The following DHX9 variants were observed in gnomAD, a reference collection of about 807,000 sequenced individuals.
The protein encoded by DHX9 is ATP-dependent RNA helicase A.
In DHX9, 27 loss-of-function variants were observed where a neutral mutation model predicts 148.7. The observed-to-expected ratio is 0.18, with a 90% CI of 0.13 to 0.25. DHX9 has a LOEUF of 0.25. Among genes scored for constraint, DHX9 ranks in the 10% least tolerant of loss-of-function variants. DHX9 has a pLI of 1.00. For missense variants in DHX9, 796 were observed against 1,559.6 expected (o/e 0.51, Z 8.25); for synonymous variants, 529 against 516.6 (o/e 1.02, Z -0.33).
intron 24 of DHX9, 106 bp from the exon 25 acceptor site, chr1:182,883,033 A>G (rs897781361): frequency 4.0e-6 from 3 of 755,438 alleles, no homozygotes; most frequent in Non-Finnish European, 6.8e-6. Context: ...GTTATGTGAA[A>G]AGAGTGAGGA....
intron 12 of DHX9, among the ~76,000 whole-genome samples, chr1:182,864,172 C>G (rs1332448381): frequency 1.3e-5 from 2 of 152,186 alleles, no homozygotes; most frequent in Non-Finnish European, 2.9e-5. Flanking sequence ...ACTGCAACCT[C>G]AAACTCCTGG....
chr1:182,839,884 G>A (rs968571274), intron 1 of DHX9: 4 of 152,204 alleles, frequency 2.6e-5, no homozygotes, highest in South Asian at 2.1e-4. Flanking sequence ...GTGGGTAGAG[G>A]AAAAAAAATT....
At chr1:182,880,433 ATGTTT>A (rs1649035923) in intron 21 of DHX9, 59 bp from the exon 22 acceptor site, 9 of 1,081,866 alleles carry the variant, frequency 8.3e-6, no homozygotes, top group Non-Finnish European at 1.3e-5. Flanking sequence ...ATTTAGAGTA[ATGTTT>A]TGTCTGCCTA....
intron 24 of DHX9, 67 bp downstream of exon 24, chr1:182,881,714 C>A (rs1649093978): frequency 6.8e-7 from 1 of 1,481,468 alleles, no homozygotes; most frequent in Admixed American, 2.4e-5. Context: ...AAATTGACAG[C>A]AAAGTGTATT....
At position 182,883,106 on chromosome 1, in the gene DHX9, T is replaced by C. The variant is rs752914164; in HGVS notation, c.2915-33T>C. On this transcript the variant is annotated intron_variant, in intron 24 of 27. Coordinates refer to ENST00000367549, the MANE Select transcript of DHX9 (RefSeq NM_001357.5). ...GTAATGTGAAGATCAGCCAGTTATC[T>C]GATTTTTGTTTTCACTGTGCTCCTC... 9.6e-6 allele frequency: 14 copies of C among 1,452,612 alleles called. No homozygotes were observed. The South Asian group carries it at 1.1e-4, about 12-fold the overall frequency. 90.0% of individuals were successfully genotyped at this position (1,452,612 alleles called of 1,614,324 possible). A position where few individuals can be genotyped will look rare whatever the true frequency, so the allele number is the denominator to read the frequency against.
In DHX9 at chr1:182,876,865, T is replaced by C; in HGVS notation, c.2160T>C (p.Ile720=). 1 of 1,612,334 alleles carries C rather than the reference T, an allele frequency of 6.2e-7. No individual in the cohort carries two copies. The highest frequency in any genetic ancestry group is 8.5e-7 in the Non-Finnish European group (1 of 1,179,524). ...CCACAAATATTGCTGAAACAAGCATTACCATAAACGATGTTGTTTATGTCA... is the reference window on the plus strand; with the variant it reads ...CCACAAATATTGCTGAAACAAGCATCACCATAAACGATGTTGTTTATGTCA... ...ILSTNIAETS[I]TINDVVYVID... The change falls in exon 19 of 28, where the codon ATT becomes ATC. Residue 720 remains isoleucine, a synonymous_variant. Transcript: ENST00000367549.
intron 14 of DHX9, among the ~76,000 whole-genome samples, chr1:182,868,511 T>C (rs1042603982): frequency 4.8e-5 from 7 of 146,448 alleles, no homozygotes; most frequent in African/African-American, 1.6e-4. Flanking sequence ...CTAACACTTA[T>C]TTTAATTCCT....
intron 20 of DHX9, among the ~76,000 whole-genome samples, chr1:182,878,776 G>A (rs1648942725): frequency 6.6e-6 from 1 of 152,204 alleles, no homozygotes. Flanking sequence ...TTTCCTTTAA[G>A]TGTCATGTCA....
chr1:182,876,440 T>G lies in DHX9; in HGVS notation c.2030-7T>G. The stretch of plus-strand genomic sequence containing the variant: ...TTAGTCCCTGATTGTTCTTTATTGT[T>G]ATATAGGAAGCCATCGGTATCAGAT... On this transcript the variant is annotated splice_polypyrimidine_tract_variant and splice_region_variant and intron_variant, in intron 17 of 27. Transcript: ENST00000367549. 1 of 1,612,270 alleles carries G rather than the reference T, an allele frequency of 6.2e-7. No individual in the cohort carries two copies. Among genetic ancestry groups the G allele is most frequent in the Non-Finnish European group, 8.5e-7 (1 of 1,178,496 alleles).
chr1:182,875,533 G>A (rs1571318020), intron 16 of DHX9, among the ~76,000 whole-genome samples: 1 of 152,150 alleles, frequency 6.6e-6, no homozygotes, highest in Non-Finnish European at 1.5e-5. Context: ...AGAGTTGGAC[G>A]ACGATAGTAT....
intron 18 of DHX9, 35 bp from the exon 19 acceptor site, chr1:182,876,795 A>G (rs1648826312): frequency 1.3e-6 from 2 of 1,504,496 alleles, no homozygotes; most frequent in African/African-American, 1.4e-5. Context: ...ACTAATAAGA[A>G]TATTTTCTGG....
chr1:182,848,889 T>C (rs902134008), intron 3 of DHX9, among the ~76,000 whole-genome samples: 1 of 152,174 alleles, frequency 6.6e-6, no homozygotes, highest in African/African-American at 2.4e-5. Context: ...TGCCACACAC[T>C]TTTAAATGAC....
At chr1:182,848,902 G>T (rs1029146329) in intron 3 of DHX9, among the ~76,000 whole-genome samples, 1 of 152,136 alleles carries the variant, frequency 6.6e-6, no homozygotes, top group Admixed American at 6.5e-5. Context: ...TAAATGACCA[G>T]ATCTCATGAG....
rs576698341 is a variant in DHX9, at chr1:182,873,759, T to C, written c.1715-1095T>C. Among the ~76,000 whole-genome samples, 18 of 152,330 alleles carry C rather than the reference T, an allele frequency of 1.2e-4. No homozygotes were observed. The South Asian group carries it at 3.5e-3, about 30-fold the overall frequency. On this transcript the variant is annotated intron_variant, in intron 15 of 27. Transcript: ENST00000367549. ...CAGTGACACCCAGTAGATAGGGATA[T>C]GCCCCACATTCAGATTTTGTTTTTA... is the stretch of plus-strand genomic sequence containing the variant.
intron 12 of DHX9, among the ~76,000 whole-genome samples, chr1:182,862,897 C>T (rs1381074963): frequency 1.3e-5 from 2 of 152,134 alleles, no homozygotes; most frequent in African/African-American, 4.8e-5. Flanking sequence ...TCAGTGACTG[C>T]TTAGTACATA....
chr1:182,875,165 C>G (rs772241464), intron 16 of DHX9: 1 of 588,780 alleles, frequency 1.7e-6, no homozygotes, highest in South Asian at 1.5e-5. Flanking sequence ...TAAATTATCT[C>G]TGGCGTAAAG....
chr1:182,850,876 G>A (rs6664441), intron 3 of DHX9, among the ~76,000 whole-genome samples: 23,648 of 152,086 alleles, frequency 0.16, 2,626 homozygotes, highest in African/African-American at 0.31. Flanking sequence ...ATTTTGAAAT[G>A]TTAAAAAAGG....
At chr1:182,866,134 G>A (rs1461097253) in intron 12 of DHX9, among the ~76,000 whole-genome samples, 3 of 152,190 alleles carry the variant, frequency 2.0e-5, no homozygotes. Context: ...ACTGTTTTTA[G>A]TGTGGCGATC....
chr1:182,876,470 C>A lies in DHX9; in HGVS notation c.2053C>A (p.Pro685Thr). 6.2e-7 allele frequency: 1 copy of A among 1,613,506 alleles called. No homozygotes were observed. The highest frequency in any genetic ancestry group is 8.5e-7 in the Non-Finnish European group (1 of 1,179,790). Reference sequence around the variant, plus strand: ...AGGAAGCCATCGGTATCAGATTCTACCCCTGCATTCTCAGATTCCTCGAGA... The same window carrying A: ...AGGAAGCCATCGGTATCAGATTCTAACCCTGCATTCTCAGATTCCTCGAGA... ...HFGSHRYQIL[P>T]LHSQIPREEQ... Residue 685 changes from proline (P) to threonine (T), a missense_variant, in exon 18 of 28, where the codon CCC becomes ACC. This residue lies in a region of DHX9 where 133 missense variants were observed against 223.8 expected (regional missense o/e 0.59). Coordinates refer to ENST00000367549, the MANE Select transcript of DHX9 (RefSeq NM_001357.5).
Sources: gnomAD v4.1 joint callset for allele counts (sites outside exome capture counted in the v4.1 genomes callset) on GRCh38, gnomAD v4.1.1 for gene constraint, gnomAD v4.1.1 regional missense constraint, MANE v1.5 for transcripts, NCBI Gene and HGNC (gene_info 2026-07-23, HGNC 2026-07-21) for gene names.